The following LINGO2 variants were observed in gnomAD, a reference collection of about 807,000 sequenced individuals.
The protein encoded by LINGO2 is leucine-rich repeat and immunoglobulin-like domain-containing nogo receptor-interacting protein 2.
Under a neutral mutation model 30.6 loss-of-function variants are expected in LINGO2, and 14 were observed. That is an observed-to-expected ratio of 0.46 (90% CI 0.30 to 0.72). The LOEUF (loss-of-function observed/expected upper bound fraction) is 0.72. Among genes scored for constraint, LINGO2 ranks in the 30% least tolerant of loss-of-function variants. LINGO2 has a pLI of 0.07. For synonymous variants in LINGO2, 317 were observed against 288.5 expected, an observed-to-expected ratio of 1.10 and a Z score of -1.00; for missense variants, 729 against 751.7, an observed-to-expected ratio of 0.97 and a Z score of 0.35.
the LINGO2 span, among the ~76,000 whole-genome samples, chr9:28,901,497 G>A: frequency 6.6e-6 from 1 of 151,666 alleles, no homozygotes; most frequent in African/African-American, 2.4e-5. Context: ...AAAAATAATA[G>A]GCGCAATTAT....
chr9:28,371,435 A>T (rs930199009), intron 3 of LINGO2, among the ~76,000 whole-genome samples: 1 of 152,190 alleles, frequency 6.6e-6, no homozygotes, highest in Non-Finnish European at 1.5e-5. Flanking sequence ...TAGAGACAGC[A>T]CTTTCTGTGT....
chr9:28,299,002 T>C (rs939041517), intron 3 of LINGO2, among the ~76,000 whole-genome samples: 3 of 152,216 alleles, frequency 2.0e-5, no homozygotes, highest in African/African-American at 7.2e-5. Flanking sequence ...ACTACTACCC[T>C]TTTAGTATAC....
chr9:28,786,458 GTAAA>G, the LINGO2 span, among the ~76,000 whole-genome samples: 13 of 152,134 alleles, frequency 8.5e-5, 1 homozygote, highest in South Asian at 1.7e-3. Flanking sequence ...TATGAGTTGA[GTAAA>G]TGTTCCATAG....
At chr9:28,013,513 T>C (rs1822663748) in intron 4 of LINGO2, among the ~76,000 whole-genome samples, 1 of 152,200 alleles carries the variant, frequency 6.6e-6, no homozygotes, top group African/African-American at 2.4e-5. Context: ...CTGCAAACAT[T>C]TGGCTTAAAA....
chr9:28,775,077 T>C, the LINGO2 span, among the ~76,000 whole-genome samples: 1 of 152,230 alleles, frequency 6.6e-6, no homozygotes, highest in South Asian at 2.1e-4. Context: ...TGTGCGGATA[T>C]TGCTGGTGAT....
chr9:28,042,915 G>A (rs1563937892), intron 4 of LINGO2, among the ~76,000 whole-genome samples: 1 of 152,152 alleles, frequency 6.6e-6, no homozygotes, highest in Non-Finnish European at 1.5e-5. Context: ...GAATTTGCCA[G>A]ATACCTAGTT....
At chr9:28,740,736 G>A in the LINGO2 span, among the ~76,000 whole-genome samples, 5 of 152,016 alleles carry the variant, frequency 3.3e-5, no homozygotes, top group Non-Finnish European at 7.4e-5. Flanking sequence ...ATATACACAC[G>A]TTGAGGGATG....
chr9:28,231,918 C>T (rs916283378), intron 4 of LINGO2, among the ~76,000 whole-genome samples: 1 of 151,990 alleles, frequency 6.6e-6, no homozygotes, highest in African/African-American at 2.4e-5. Flanking sequence ...ATTTTTTCTG[C>T]TCTTTTATAC....
At chr9:28,784,943 T>C in the LINGO2 span, among the ~76,000 whole-genome samples, 2 of 140,874 alleles carry the variant, frequency 1.4e-5, no homozygotes, top group African/African-American at 5.8e-5. Flanking sequence ...CGAGACTCTG[T>C]CTCAAAAAAA....
At chr9:29,096,992 T>C in the LINGO2 span, among the ~76,000 whole-genome samples, 1 of 139,722 alleles carries the variant, frequency 7.2e-6, no homozygotes, top group African/African-American at 2.7e-5. Flanking sequence ...GAAAACCTTA[T>C]GAAATTTTTA....
chr9:28,678,402 A>C, the LINGO2 span, among the ~76,000 whole-genome samples: 1 of 152,078 alleles, frequency 6.6e-6, no homozygotes, highest in Admixed American at 6.6e-5. Context: ...CCAAATGAAT[A>C]CTTCTTTCTA....
At chr9:27,997,068 A>G (rs1385010084) in intron 5 of LINGO2, among the ~76,000 whole-genome samples, 2 of 152,216 alleles carry the variant, frequency 1.3e-5, no homozygotes, top group Admixed American at 1.3e-4. Flanking sequence ...ATATTCATAT[A>G]CACATATTCA....
At chr9:29,124,638 T>A in the LINGO2 span, among the ~76,000 whole-genome samples, 2 of 152,134 alleles carry the variant, frequency 1.3e-5, no homozygotes, top group Non-Finnish European at 2.9e-5. Context: ...AAGACATTTA[T>A]GTGGCCATCA....
the LINGO2 span, among the ~76,000 whole-genome samples, chr9:28,773,021 A>G: frequency 6.6e-6 from 1 of 152,248 alleles, no homozygotes; most frequent in East Asian, 1.9e-4. Context: ...TAATAATCAC[A>G]TAAAAGTGAA....
chr9:29,195,597 A>G, the LINGO2 span, among the ~76,000 whole-genome samples: 4 of 152,232 alleles, frequency 2.6e-5, no homozygotes, highest in Non-Finnish European at 5.9e-5. Context: ...CTCCACAACT[A>G]ATTAGTAATT....
chr9:28,784,161 C>T, the LINGO2 span, among the ~76,000 whole-genome samples: 1 of 152,132 alleles, frequency 6.6e-6, no homozygotes, highest in Admixed American at 6.5e-5. Flanking sequence ...TGTAACTTTG[C>T]AGAGGCAACT....
At chr9:28,790,641 C>T in the LINGO2 span, among the ~76,000 whole-genome samples, 1 of 151,880 alleles carries the variant, frequency 6.6e-6, no homozygotes, top group Non-Finnish European at 1.5e-5. Flanking sequence ...GCCTACTTTA[C>T]GCATCTTATA....
At chr9:28,698,862 T>C in the LINGO2 span, among the ~76,000 whole-genome samples, 1 of 151,888 alleles carries the variant, frequency 6.6e-6, no homozygotes, top group Non-Finnish European at 1.5e-5. Flanking sequence ...GGCAACATCA[T>C]GAGACTCTAG....
chr9:28,986,773 C>T, the LINGO2 span, among the ~76,000 whole-genome samples: 1 of 151,926 alleles, frequency 6.6e-6, no homozygotes, highest in Non-Finnish European at 1.5e-5. Flanking sequence ...AAACCTAGCA[C>T]AAAACCTAAT....
Sources: gnomAD v4.1 joint callset for allele counts (sites outside exome capture counted in the v4.1 genomes callset) on GRCh38, gnomAD v4.1.1 for gene constraint, MANE v1.5 for transcripts, NCBI Gene and HGNC (gene_info 2026-07-23, HGNC 2026-07-21) for gene names.